The following ATP9A variants were observed in gnomAD, a reference collection of about 807,000 sequenced individuals.
ATP9A encodes the protein probable phospholipid-transporting ATPase IIA.
Under a neutral mutation model 144.1 loss-of-function variants are expected in ATP9A, and 52 were observed. The ratio of observed to expected loss-of-function variants is 0.36; its 90% CI spans 0.29 to 0.45. ATP9A has a LOEUF of 0.45. Among genes scored for constraint, ATP9A ranks in the 20% least tolerant of loss-of-function variants. The pLI is 1.00. For missense variants in ATP9A, 947 were observed against 1,392.7 expected (o/e 0.68, Z 5.09); for synonymous variants, 582 against 557.4 (o/e 1.04, Z -0.62).
chr20:51,706,699 G>C (rs192747248), intron 4 of ATP9A, among the ~76,000 whole-genome samples: 27 of 152,338 alleles, frequency 1.8e-4, no homozygotes, highest in Admixed American at 2.6e-4. Flanking sequence ...GCAGTGAACT[G>C]TGACTGTGCC....
chr20:51,607,999 G>A (rs574294027), intron 25 of ATP9A, among the ~76,000 whole-genome samples: 10 of 146,608 alleles, frequency 6.8e-5, no homozygotes, highest in Non-Finnish European at 1.3e-4. Context: ...AGCCGAGATC[G>A]AGCCACTACA....
rs149041617 is a variant in ATP9A at position 51,713,943 on chromosome 20, T to C, written c.328-869A>G. On this transcript the variant is annotated intron_variant, in intron 3 of 27. Coordinates refer to ENST00000338821, the MANE Select transcript of ATP9A (RefSeq NM_006045.3). Reference sequence around the variant, plus strand: ...TTGTTTGTTTGTTGGAGTCTCACTCTGTCACCAGGCTGGAGTGCAGTGGCT... The same window carrying C: ...TTGTTTGTTTGTTGGAGTCTCACTCCGTCACCAGGCTGGAGTGCAGTGGCT... Among the ~76,000 whole-genome samples, 456 of 152,316 alleles carry C rather than the reference T, an allele frequency of 3.0e-3. 6 individuals carry two copies. The East Asian group carries it at 0.049, about 16-fold the overall frequency.
At chr20:51,767,521 C>T (rs2077910440) in intron 1 of ATP9A, among the ~76,000 whole-genome samples, 1 of 152,108 alleles carries the variant, frequency 6.6e-6, no homozygotes, top group African/African-American at 2.4e-5. Flanking sequence ...CGCAAAATAC[C>T]AACCCGTCCC....
Position 51,689,107 on chromosome 20 carries a change from C to G in ATP9A, c.756G>C (p.Leu252=), listed in dbSNP as rs1227895358. 1 of 1,614,148 alleles carries G rather than the reference C, an allele frequency of 6.2e-7. No individual in the cohort carries two copies. The highest frequency in any genetic ancestry group is 8.5e-7 in the Non-Finnish European group (1 of 1,180,020). The change falls in exon 9 of 28, where the codon CTG becomes CTC. Residue 252 remains leucine, a synonymous_variant. Coordinates refer to ENST00000338821, the MANE Select transcript of ATP9A (RefSeq NM_006045.3). The stretch of plus-strand genomic sequence containing the variant: ...CAGCCCACAGCGTGTTCTCTATGCT[C>G]AGGCTCTCGCTGATCGGGGGGTCGC... ...EDSDPPISES[L]SIENTLWAGT... is the part of the protein sequence containing the mutation.
chr20:51,616,387 C>CGATTCA (rs2077203005), intron 22 of ATP9A, among the ~76,000 whole-genome samples: 1 of 152,162 alleles, frequency 6.6e-6, no homozygotes, highest in Non-Finnish European at 1.5e-5. Flanking sequence ...GGCTCAATCT[C>CGATTCA]GATTCACTGC....
intron 24 of ATP9A, 23 bp downstream of exon 24, chr20:51,610,078 A>C: frequency 6.4e-7 from 1 of 1,561,406 alleles, no homozygotes; most frequent in African/African-American, 1.4e-5. Context: ...TAAACAATTA[A>C]TTCCTTGGCA....
At chr20:51,697,263 G>GTC (rs934647569) in intron 5 of ATP9A, among the ~76,000 whole-genome samples, 161 bp downstream of exon 5, 28 of 152,130 alleles carry the variant, frequency 1.8e-4, no homozygotes, top group East Asian at 5.8e-4. Flanking sequence ...GTGTGTGTGT[G>GTC]TGTCTGTCTG....
chr20:51,619,105 A>AT, intron 19 of ATP9A, 62 bp from the exon 20 acceptor site: 1 of 1,455,386 alleles, frequency 6.9e-7, no homozygotes, highest in South Asian at 1.2e-5. Flanking sequence ...AACAACAAAC[A>AT]GTGGCTTCCA....
chr20:51,714,453 C>A (rs1288102138), intron 3 of ATP9A, among the ~76,000 whole-genome samples: 1 of 152,150 alleles, frequency 6.6e-6, no homozygotes, highest in Non-Finnish European at 1.5e-5. Context: ...ACCATCTCGG[C>A]TCACTGCAAC....
intron 1 of ATP9A, among the ~76,000 whole-genome samples, chr20:51,750,185 T>C (rs1273769663): frequency 1.3e-5 from 2 of 151,946 alleles, no homozygotes; most frequent in Non-Finnish European, 2.9e-5. Context: ...AATAAAATAA[T>C]AAAGCTCACC....
chr20:51,664,042 G>A (rs1409797327), intron 13 of ATP9A, among the ~76,000 whole-genome samples: 2 of 152,014 alleles, frequency 1.3e-5, no homozygotes, highest in African/African-American at 2.4e-5. Flanking sequence ...GTTTGAGACT[G>A]TCTTGCTCTG....
At chr20:51,738,195 A>C (rs781223441) in intron 1 of ATP9A, among the ~76,000 whole-genome samples, 4 of 151,834 alleles carry the variant, frequency 2.6e-5, no homozygotes, top group Admixed American at 1.3e-4. Context: ...CGCCCGGCTA[A>C]TTTTTTGTAT....
intron 4 of ATP9A, among the ~76,000 whole-genome samples, chr20:51,706,638 T>C (rs2077615738): frequency 6.6e-6 from 1 of 152,186 alleles, no homozygotes; most frequent in Non-Finnish European, 1.5e-5. Flanking sequence ...TGGTCCCAGT[T>C]ACTTGGGAGG....
chr20:51,726,910 T>C, intron 2 of ATP9A, among the ~76,000 whole-genome samples: 1 of 112,966 alleles, frequency 8.9e-6, no homozygotes, highest in African/African-American at 3.8e-5. Flanking sequence ...TTTTTTTTTT[T>C]TTTTTTGAGA....
At chr20:51,671,649 T>C (rs1224021930) in intron 11 of ATP9A, among the ~76,000 whole-genome samples, 1 of 152,120 alleles carries the variant, frequency 6.6e-6, no homozygotes, top group African/African-American at 2.4e-5. Context: ...TTTACAATGT[T>C]ATCAGCCATC....
At position 51,712,095 on chromosome 20, in the gene ATP9A, T is replaced by C. The variant is rs190005484; in HGVS notation, c.436+871A>G. 6.1e-4 allele frequency among the ~76,000 whole-genome samples: 85 copies of C among 139,972 alleles called. 4 individuals are homozygous for C. The East Asian group carries it at 0.015, about 26-fold the overall frequency. 91.8% of individuals were successfully genotyped at this position (139,972 alleles called of 152,430 possible). On this transcript the variant is annotated intron_variant, in intron 4 of 27. Transcript: ENST00000338821. ...TGGTCTTTTTTTTTTTTTTTTGAGA[T>C]GGAGTCTCGCTCTGTCGCCCAGGCT...
intron 1 of ATP9A, among the ~76,000 whole-genome samples, chr20:51,754,688 T>C (rs539312604): frequency 1.3e-5 from 2 of 151,994 alleles, no homozygotes; most frequent in East Asian, 3.9e-4. Flanking sequence ...TGGTGGTGCA[T>C]GCCTGTAATA....
At chr20:51,733,312 G>A (rs530229851) in intron 1 of ATP9A, among the ~76,000 whole-genome samples, 1 of 152,110 alleles carries the variant, frequency 6.6e-6, no homozygotes, top group South Asian at 2.1e-4. Flanking sequence ...TCATAGTTCT[G>A]GAGGCTGCAA....
rs929645379 is a variant in ATP9A at position 51,726,052 on chromosome 20, G to A, written c.214-120C>T. ...CCTGCAGCCAGGCGTGGTGGTTCAC[G>A]CCTATAATCCCAGAACTTTGGGAGG... On this transcript the variant is annotated intron_variant, in intron 2 of 27. Transcript: ENST00000338821. 2.2e-5 allele frequency: 15 copies of A among 676,706 alleles called. No individual in the cohort carries two copies. The Admixed American group carries it at 3.0e-4, about 13-fold the overall frequency. The allele number at this position is 676,706 out of a possible 1,614,324, so 41.9% of individuals were successfully genotyped here.
Sources: gnomAD v4.1 joint callset for allele counts (sites outside exome capture counted in the v4.1 genomes callset) on GRCh38, gnomAD v4.1.1 for gene constraint, MANE v1.5 for transcripts, NCBI Gene and HGNC (gene_info 2026-07-23, HGNC 2026-07-21) for gene names.